GREB1L: variants seen among roughly 807,000 people sequenced by gnomAD.
GREB1L encodes GREB1-like protein.
GREB1L carries 17 observed loss-of-function variants against 200.8 expected under a neutral mutation model. That is an observed-to-expected ratio of 0.08 (90% confidence interval 0.06 to 0.13). The LOEUF (loss-of-function observed/expected upper bound fraction) is 0.13. GREB1L is among the 10% of genes least tolerant of loss of function. The probability of loss-of-function intolerance (pLI) is 1.00; values close to 1 mark genes in which losing one functional copy is unlikely to be tolerated. For synonymous variants in GREB1L, 789 were observed against 893.0 expected, an observed-to-expected ratio of 0.88 and a Z score of 2.08; for missense variants, 1,657 against 2,367.7, an observed-to-expected ratio of 0.70 and a Z score of 6.23.
At chr18:21,250,814 G>T (rs1362516869) in intron 1 of GREB1L, among the ~76,000 whole-genome samples, 4 of 152,066 alleles carry the variant, frequency 2.6e-5, no homozygotes, top group Non-Finnish European at 5.9e-5. Context: ...TTTGGAAAGG[G>T]CACATTTATA....
chr18:21,279,898 G>T (rs1256296572), intron 1 of GREB1L, among the ~76,000 whole-genome samples: 1 of 152,156 alleles, frequency 6.6e-6, no homozygotes, highest in African/African-American at 2.4e-5. Flanking sequence ...AGCAGTGTTA[G>T]CTTTACAGAA....
At chr18:21,402,507 TTTTCC>T (rs1359727641) in intron 6 of GREB1L, among the ~76,000 whole-genome samples, 3 of 151,098 alleles carry the variant, frequency 2.0e-5, no homozygotes, top group South Asian at 4.2e-4. Flanking sequence ...TTCCCTTTCC[TTTTCC>T]TTTCCTTTCC....
rs775822553 is a variant in GREB1L at position 21,441,521 on chromosome 18, A to G, written c.1191A>G (p.Arg397=). 3.0e-5 allele frequency: 47 copies of G among 1,551,046 alleles called. No homozygotes were observed. The African/African-American group carries it at 5.1e-4, about 17-fold the overall frequency. ...PENLLSNSGV[R]PVILIGYGTL... The stretch of plus-strand genomic sequence containing the variant: ...ACCTGCTGAGTAACTCAGGAGTTAG[A>G]CCAGTAATTCTGATAGGTAAGGTAA... The change falls in exon 10 of 33, where the codon AGA becomes AGG. Residue 397 remains arginine, a synonymous_variant. Transcript: ENST00000424526.
intron 1 of GREB1L, among the ~76,000 whole-genome samples, chr18:21,335,468 T>G (rs1403175214): frequency 1.3e-5 from 2 of 152,144 alleles, no homozygotes; most frequent in South Asian, 2.1e-4. Context: ...TCTGAGAAGT[T>G]AGATGAATCA....
chr18:21,339,316 A>C (rs1354299805), intron 1 of GREB1L, among the ~76,000 whole-genome samples: 3 of 152,220 alleles, frequency 2.0e-5, no homozygotes, highest in Non-Finnish European at 4.4e-5. Flanking sequence ...CTTCTATTCT[A>C]AGGCAGTTTT....
Position 21,524,093 on chromosome 18 carries a change from T to G in GREB1L, c.*1272T>G, listed in dbSNP as rs2037645961. ...TACTCCAGTTCTCATCATTGAACAA[T>G]CTCTTGAGAGTTTTCTCATTAGCCC... On this transcript the variant is annotated 3_prime_UTR_variant, in exon 33 of 33. Coordinates refer to ENST00000424526, the MANE Select transcript of GREB1L (RefSeq NM_001142966.3). 1.3e-5 allele frequency: 2 copies of G among 152,196 alleles called. No individual in the cohort carries two copies. The highest frequency in any genetic ancestry group is 4.8e-5 in the African/African-American group (2 of 41,460). 9.4% of individuals were successfully genotyped at this position (152,196 alleles called of 1,614,324 possible).
chr18:21,465,349 G>A (rs553512004), intron 15 of GREB1L, among the ~76,000 whole-genome samples: 5 of 152,128 alleles, frequency 3.3e-5, no homozygotes, highest in African/African-American at 1.2e-4. Context: ...TCGAATATGG[G>A]CTGTGTATTA....
intron 1 of GREB1L, among the ~76,000 whole-genome samples, chr18:21,357,672 A>G (rs2039525047): frequency 1.3e-5 from 2 of 152,110 alleles, no homozygotes; most frequent in Admixed American, 1.3e-4. Context: ...ATCTAATTTC[A>G]TTGTTTTGCA....
At chr18:21,326,229 GA>G (rs1158592275) in intron 1 of GREB1L, among the ~76,000 whole-genome samples, 1 of 151,430 alleles carries the variant, frequency 6.6e-6, no homozygotes, top group Non-Finnish European at 1.5e-5. Flanking sequence ...GTTTTTGCGA[GA>G]AATTACACAC....
At chr18:21,497,237 T>C (rs2036579410) in intron 21 of GREB1L, among the ~76,000 whole-genome samples, 1 of 152,242 alleles carries the variant, frequency 6.6e-6, no homozygotes, top group African/African-American at 2.4e-5. Context: ...GCAGCATTAC[T>C]GCAGGTCTAT....
chr18:21,269,209 A>T (rs1380601521), intron 1 of GREB1L, among the ~76,000 whole-genome samples: 2 of 152,196 alleles, frequency 1.3e-5, no homozygotes, highest in Non-Finnish European at 2.9e-5. Context: ...TGTTTTACTG[A>T]TGGAGAAGAA....
intron 2 of GREB1L, among the ~76,000 whole-genome samples, chr18:21,369,616 A>T (rs1249624895): frequency 6.6e-6 from 1 of 152,188 alleles, no homozygotes; most frequent in Non-Finnish European, 1.5e-5. Context: ...TTTCTAAAAA[A>T]ATTTAATATA....
rs2145945154 is a variant in GREB1L, at chr18:21,500,610, T to A, written c.4040T>A (p.Val1347Glu). 6.4e-7 allele frequency: 1 copy of A among 1,550,918 alleles called. No homozygotes were observed. Among genetic ancestry groups the A allele is most frequent in the African/African-American group, 1.4e-5 (1 of 73,038 alleles). Residue 1347 changes from valine (V) to glutamate (E), a missense_variant, in exon 23 of 33, where the codon GTG becomes GAG. Physicochemically the swap from Val to Glu is moderately radical, Grantham distance 121. Around this residue, in one of 9 missense-constraint regions of GREB1L, gnomAD observed 512 missense variants for 668.3 expected, o/e 0.77. Transcript: ENST00000424526. The part of the protein sequence containing the change: ...LFRMLIRLLE[V>E]DVYDEEEINT... ...CGCATGCTCATCAGGCTCCTGGAGGTGGACGTGTATGATGAGGAGGAGATC... is the reference window on the plus strand; with the variant it reads ...CGCATGCTCATCAGGCTCCTGGAGGAGGACGTGTATGATGAGGAGGAGATC...
intron 1 of GREB1L, among the ~76,000 whole-genome samples, chr18:21,332,584 C>A (rs1315031537): frequency 6.6e-6 from 1 of 152,148 alleles, no homozygotes; most frequent in African/African-American, 2.4e-5. Flanking sequence ...AAGCGATTCT[C>A]CAGTCTCAGC....
chr18:21,345,461 G>A (rs1017247008), intron 1 of GREB1L, among the ~76,000 whole-genome samples: 1 of 152,214 alleles, frequency 6.6e-6, no homozygotes, highest in African/African-American at 2.4e-5. Flanking sequence ...TGGCTTTGAA[G>A]TATGATGGAT....
chr18:21,434,460 A>C (rs1189521393), intron 7 of GREB1L, among the ~76,000 whole-genome samples: 2 of 151,030 alleles, frequency 1.3e-5, no homozygotes, highest in Non-Finnish European at 2.9e-5. Context: ...TTGGCAGCAG[A>C]GTGAGAATCC....
intron 7 of GREB1L, among the ~76,000 whole-genome samples, chr18:21,413,012 T>C (rs1223762130): frequency 6.6e-6 from 1 of 152,184 alleles, no homozygotes; most frequent in African/African-American, 2.4e-5. Context: ...GCTGTCATAG[T>C]AATCTCTCAT....
intron 7 of GREB1L, among the ~76,000 whole-genome samples, chr18:21,429,619 T>C (rs2032985996): frequency 6.6e-6 from 1 of 152,094 alleles, no homozygotes; most frequent in Admixed American, 6.5e-5. Flanking sequence ...TAAATGTTGG[T>C]AGGATTCACT....
chr18:21,319,625 T>C (rs2144897085), intron 1 of GREB1L, among the ~76,000 whole-genome samples: 1 of 152,328 alleles, frequency 6.6e-6, no homozygotes, highest in African/African-American at 2.4e-5. Flanking sequence ...AAACAGATGT[T>C]AAACCTCCAA....
Sources: gnomAD v4.1 joint callset for allele counts (sites outside exome capture counted in the v4.1 genomes callset) on GRCh38, gnomAD v4.1.1 for gene constraint, gnomAD v4.1.1 regional missense constraint, MANE v1.5 for transcripts, NCBI Gene and HGNC (gene_info 2026-07-23, HGNC 2026-07-21) for gene names.